The following SRBD1 variants were observed in gnomAD, a reference collection of about 807,000 sequenced individuals.
SRBD1 encodes the protein S1 RNA binding domain 1, also known as S1 RNA-binding domain-containing protein 1.
Under a neutral mutation model 115.3 loss-of-function variants are expected in SRBD1, and 88 were observed. That is an observed-to-expected ratio of 0.76 (90% confidence interval 0.64 to 0.91). SRBD1 has a LOEUF of 0.91. Ranked by LOEUF, SRBD1 falls within the 40% of genes least tolerant of loss-of-function variation. The pLI is 0.00. For synonymous variants in SRBD1, 509 were observed against 407.7 expected (o/e 1.25, Z -2.99); for missense variants, 1,385 against 1,177.4 (o/e 1.18, Z -2.58).
intron 19 of SRBD1, among the ~76,000 whole-genome samples, chr2:45,412,636 C>T (rs1214268583): frequency 6.6e-6 from 1 of 152,096 alleles, no homozygotes; most frequent in East Asian, 1.9e-4. Flanking sequence ...GTAAACTTCC[C>T]TTCTACTCAA....
In SRBD1 at chr2:45,389,518, T is replaced by C. The variant is rs1392631212; in HGVS notation, c.2780A>G (p.Glu927Gly). 3.7e-6 allele frequency: 6 copies of C among 1,613,980 alleles called. No homozygotes were observed. Among genetic ancestry groups the C allele is most frequent in the Non-Finnish European group, 5.1e-6 (6 of 1,179,980 alleles). ...AAAAATTCCAAAGAGAGTGGCATTC[T>C]CAACTTTGCCTGTAAGAACTGTCCC... ...QIGTVLTGKVENATLFGIFVD... is the reference protein window; with the variant it reads ...QIGTVLTGKVGNATLFGIFVD... Residue 927 changes from glutamate (E) to glycine (G), a missense_variant, in exon 21 of 21, where the codon GAG (glutamate) becomes GGG (glycine). Coordinates refer to ENST00000263736, the MANE Select transcript of SRBD1 (RefSeq NM_018079.5).
intron 16 of SRBD1, among the ~76,000 whole-genome samples, chr2:45,445,409 T>C (rs1668790075): frequency 6.8e-6 from 1 of 147,854 alleles, no homozygotes; most frequent in African/African-American, 2.4e-5. Flanking sequence ...AATAATGAAA[T>C]CTTGGGGGGA....
intron 16 of SRBD1, among the ~76,000 whole-genome samples, chr2:45,441,748 G>A (rs886487450): frequency 1.1e-4 from 17 of 152,172 alleles, no homozygotes; most frequent in African/African-American, 4.1e-4. Context: ...ACGTGGCATT[G>A]CTTGAGGGCA....
chr2:45,410,403 G>A (rs895855871), intron 19 of SRBD1, among the ~76,000 whole-genome samples: 1 of 152,062 alleles, frequency 6.6e-6, no homozygotes, highest in African/African-American at 2.4e-5. Flanking sequence ...TGAAAACAAA[G>A]GTCAAAGACA....
chr2:45,467,166 T>C lies in SRBD1; in HGVS notation c.2049+9827A>G, dbSNP rs557297466. Among the ~76,000 whole-genome samples the C allele has an allele frequency of 8.5e-5, 13 of 152,316 alleles. No homozygotes were observed. In the South Asian group the frequency reaches 1.7e-3, roughly 19 times the overall value. On this transcript the variant is annotated intron_variant, in intron 16 of 20. Coordinates refer to ENST00000263736, the MANE Select transcript of SRBD1 (RefSeq NM_018079.5). ...CTAGCATATTGTCAGATGATATTGA[T>C]GCTGCTAGTCTACTGACTGTATTTT...
intron 1 of SRBD1, among the ~76,000 whole-genome samples, chr2:45,606,404 C>T (rs1427302677): frequency 6.6e-6 from 1 of 152,132 alleles, no homozygotes; most frequent in Non-Finnish European, 1.5e-5. Context: ...AGGTGATCCG[C>T]CCACCTCGGC....
intron 14 of SRBD1, among the ~76,000 whole-genome samples, chr2:45,499,891 A>G (rs992416261): frequency 1.3e-5 from 2 of 152,258 alleles, no homozygotes; most frequent in East Asian, 1.9e-4. Flanking sequence ...TGTTTTGGTT[A>G]TAACAGCTTT....
chr2:45,461,081 C>G (rs901534651), intron 16 of SRBD1, among the ~76,000 whole-genome samples: 1 of 152,158 alleles, frequency 6.6e-6, no homozygotes, highest in South Asian at 2.1e-4. Context: ...CTTTAAACTA[C>G]ACAAATAATG....
At chr2:45,575,604 A>T (rs1438609468) in intron 7 of SRBD1, among the ~76,000 whole-genome samples, 1 of 152,250 alleles carries the variant, frequency 6.6e-6, no homozygotes, top group Non-Finnish European at 1.5e-5. Context: ...TGGCATAATT[A>T]ATAAATAGAA....
intron 14 of SRBD1, among the ~76,000 whole-genome samples, chr2:45,497,069 A>G (rs769982175): frequency 2.5e-4 from 38 of 152,306 alleles, no homozygotes; most frequent in Non-Finnish European, 4.1e-4. Context: ...TTTTGTGATC[A>G]CTGCACATTT....
chr2:45,436,300 C>G (rs6747336), intron 16 of SRBD1, among the ~76,000 whole-genome samples: 12,645 of 152,178 alleles, frequency 0.083, 716 homozygotes, highest in African/African-American at 0.16. Flanking sequence ...CTACAGCTAA[C>G]ATAACATTTA....
At chr2:45,412,537 C>T (rs1010079010) in intron 19 of SRBD1, among the ~76,000 whole-genome samples, 9 of 152,032 alleles carry the variant, frequency 5.9e-5, no homozygotes, top group South Asian at 2.1e-4. Flanking sequence ...TAAAAAATGT[C>T]GTTATGTAGC....
At chr2:45,594,164 A>C (rs1673816433) in intron 4 of SRBD1, among the ~76,000 whole-genome samples, 3 of 152,336 alleles carry the variant, frequency 2.0e-5, no homozygotes, top group Non-Finnish European at 2.9e-5. Flanking sequence ...AATTGCACTG[A>C]GATACACAAC....
At chr2:45,594,924 A>G (rs1673846602) in intron 4 of SRBD1, among the ~76,000 whole-genome samples, 1 of 152,246 alleles carries the variant, frequency 6.6e-6, no homozygotes, top group Admixed American at 6.5e-5. Context: ...AGACTGAAGT[A>G]ACTTCATTTT....
intron 14 of SRBD1, among the ~76,000 whole-genome samples, chr2:45,521,383 G>C (rs966011643): frequency 2.0e-5 from 3 of 151,466 alleles, no homozygotes; most frequent in Non-Finnish European, 2.9e-5. Context: ...GATACAAATA[G>C]CCAATAAGCA....
intron 4 of SRBD1, among the ~76,000 whole-genome samples, chr2:45,597,421 CA>C (rs753591482): frequency 0.054 from 3,653 of 67,598 alleles, 119 homozygotes; most frequent in African/African-American, 0.16. Flanking sequence ...CTCTGTCTCA[CA>C]AAAAAAAAAA....
At chr2:45,498,751 C>A (rs555446323) in intron 14 of SRBD1, among the ~76,000 whole-genome samples, 1 of 152,240 alleles carries the variant, frequency 6.6e-6, no homozygotes, top group African/African-American at 2.4e-5. Context: ...CAATATTTGT[C>A]TTTCCATGCC....
chr2:45,555,761 G>C (rs1245804813), intron 10 of SRBD1, among the ~76,000 whole-genome samples: 1 of 152,026 alleles, frequency 6.6e-6, no homozygotes, highest in Non-Finnish European at 1.5e-5. Flanking sequence ...CAAAGTGCTG[G>C]GATTGCAGGC....
At chr2:45,597,692 C>G (rs562914362) in intron 4 of SRBD1, among the ~76,000 whole-genome samples, 1 of 152,166 alleles carries the variant, frequency 6.6e-6, no homozygotes, top group Admixed American at 6.5e-5. Flanking sequence ...GGAGACTTGA[C>G]CACATTCTGT....
Sources: gnomAD v4.1 joint callset for allele counts (sites outside exome capture counted in the v4.1 genomes callset) on GRCh38, gnomAD v4.1.1 for gene constraint, MANE v1.5 for transcripts, NCBI Gene and HGNC (gene_info 2026-07-23, HGNC 2026-07-21) for gene names.